Variants in AFG3L2 observed in about 807,000 individuals in gnomAD.
AFG3L2 encodes mitochondrial inner membrane m-AAA protease component AFG3L2.
In AFG3L2, 54 loss-of-function variants were observed where a neutral mutation model predicts 94.5. The observed-to-expected ratio is 0.57, with a 90% CI of 0.46 to 0.72. The LOEUF is 0.72. AFG3L2 is among the 30% of genes least tolerant of loss of function. The probability of loss-of-function intolerance (pLI) is 0.00; values close to 1 mark genes in which losing one functional copy is unlikely to be tolerated. For missense variants in AFG3L2, 754 were observed against 994.9 expected, an observed-to-expected ratio of 0.76 and a Z score of 3.26; for synonymous variants, 377 against 365.5, an observed-to-expected ratio of 1.03 and a Z score of -0.36.
chr18:12,358,439 C>T (rs1003675427), intron 8 of AFG3L2, among the ~76,000 whole-genome samples: 2 of 152,190 alleles, frequency 1.3e-5, no homozygotes, highest in Non-Finnish European at 2.9e-5. Context: ...TCAAGAAAAT[C>T]TTCCAAGAGG....
intron 13 of AFG3L2, among the ~76,000 whole-genome samples, chr18:12,344,704 A>T (rs1051215128): frequency 7.9e-5 from 12 of 151,922 alleles, no homozygotes; most frequent in Admixed American, 7.2e-4. Flanking sequence ...TAAGTTAAAA[A>T]TTTTTTTAAA....
intron 14 of AFG3L2, 64 bp from the exon 15 acceptor site, chr18:12,340,465 G>A: frequency 8.0e-7 from 1 of 1,251,416 alleles, no homozygotes; most frequent in South Asian, 1.2e-5. Context: ...AAACATCTGT[G>A]TATAAACAGA....
intron 1 of AFG3L2, among the ~76,000 whole-genome samples, chr18:12,373,464 A>G (rs1194399577): frequency 4.6e-5 from 7 of 152,202 alleles, no homozygotes; most frequent in Admixed American, 4.6e-4. Flanking sequence ...ACTATGGCAT[A>G]ACAATGTAAC....
intron 12 of AFG3L2, among the ~76,000 whole-genome samples, chr18:12,349,666 T>C (rs1215140887): frequency 6.7e-6 from 1 of 148,194 alleles, no homozygotes. Flanking sequence ...CATGTTTTTA[T>C]TTTTATTTTT....
rs1419934629 is a variant in AFG3L2, at chr18:12,348,365, A to C, written c.1571T>G (p.Val524Gly). The C allele has an allele frequency of 2.5e-6, 4 of 1,614,054 alleles. No homozygotes were observed. Among genetic ancestry groups the C allele is most frequent in the Non-Finnish European group, 3.4e-6 (4 of 1,180,004 alleles). The change falls in exon 13 of 17, where the codon GTC (valine) becomes GGC (glycine). Residue 524 changes from valine to glycine, a missense_variant. By Grantham distance (109) the Val-to-Gly change is moderately radical. Around this residue, in one of 4 missense-constraint regions of AFG3L2, gnomAD observed 279 missense variants for 378.6 expected, o/e 0.74. Transcript: ENST00000269143. ...AGCAATCAACGCAGCTTCATTACAG[A>C]CATTAGCAACATCAGCACCTAAAAA... ...PGFSGADVANVCNEAALIAAR... is the reference protein window; with the variant it reads ...PGFSGADVANGCNEAALIAAR...
intron 16 of AFG3L2, among the ~76,000 whole-genome samples, chr18:12,334,485 C>T (rs1762423634): frequency 6.6e-6 from 1 of 152,134 alleles, no homozygotes. Flanking sequence ...GCAGCCCTGA[C>T]CTCTGTTCAT....
Position 12,328,972 on chromosome 18 carries a change from TTTA to T in AFG3L2, c.*590_*592del, listed in dbSNP as rs2143070705. The T allele has an allele frequency of 1.7e-6, 1 of 573,064 alleles. No individual in the cohort carries two copies. The highest frequency in any genetic ancestry group is 2.8e-5 in the East Asian group (1 of 35,828). The allele number at this position is 573,064 out of a possible 1,614,324, so 35.5% of individuals were successfully genotyped here. On this transcript the variant is annotated 3_prime_UTR_variant, in exon 17 of 17. Coordinates refer to ENST00000269143, the MANE Select transcript of AFG3L2 (RefSeq NM_006796.3). Reference sequence around the variant, plus strand: ...GTTCAGAAAAGTACAGTGTTGACATTTTATTTTTTATGTAAAGAAGCCATATTT... The same window carrying T: ...GTTCAGAAAAGTACAGTGTTGACATTTTTTTTATGTAAAGAAGCCATATTT...
rs886044707 is a variant in AFG3L2 at position 12,353,137 on chromosome 18, C to T, written c.1186G>A (p.Ala396Thr). 1 of 1,613,966 alleles carries T rather than the reference C, an allele frequency of 6.2e-7. No homozygotes were observed. Among genetic ancestry groups the T allele is most frequent in the African/African-American group, 1.3e-5 (1 of 74,906 alleles). Reference protein sequence around the residue: ...PARVRDLFALARKNAPCILFI... With the variant: ...PARVRDLFALTRKNAPCILFI... ...AGGATGCAAGGGGCATTCTTCCGAG[C>T]AAGGGCAAATAAGTCTCGGACCTTG... The change falls in exon 10 of 17, where the codon GCT becomes ACT. Residue 396 changes from alanine (A) to threonine (T), a missense_variant. Physicochemically the swap from Ala to Thr is moderately conservative, Grantham distance 58. Transcript: ENST00000269143.
chr18:12,336,543 T>C (rs886778516), intron 16 of AFG3L2, among the ~76,000 whole-genome samples: 7 of 152,108 alleles, frequency 4.6e-5, no homozygotes, highest in Non-Finnish European at 1.0e-4. Flanking sequence ...ATAATAAAAC[T>C]CCAGGCTGCC....
In AFG3L2 at chr18:12,329,432, T is replaced by TC. The variant is rs1306810635; in HGVS notation, c.*132dup. 4.1e-6 allele frequency: 4 copies of TC among 973,990 alleles called. No individual in the cohort carries two copies. Among genetic ancestry groups the TC allele is most frequent in the Middle Eastern group, 3.1e-4 (1 of 3,240 alleles). 60.3% of individuals were successfully genotyped at this position (973,990 alleles called of 1,614,324 possible). On this transcript the variant is annotated 3_prime_UTR_variant, in exon 17 of 17. Transcript: ENST00000269143. ...AGGCTGAAAGGACTAAGGACTCCTT[T>TC]CCCCATCATTTCAGCTGGGCCAGTG...
At chr18:12,330,641 A>G (rs1288684532) in intron 16 of AFG3L2, among the ~76,000 whole-genome samples, 3 of 151,244 alleles carry the variant, frequency 2.0e-5, no homozygotes, top group African/African-American at 7.3e-5. Flanking sequence ...AGCCAGGCGC[A>G]GTGGTGGGTG....
In AFG3L2 at chr18:12,358,918, T is replaced by C. The variant is rs776071698; in HGVS notation, c.778A>G (p.Thr260Ala). ...AGCAAGAAGGCGATGATGAGCACCG[T>C]AGGCAGCATGCTCAGCAGAAAAGAG... The part of the protein sequence containing the change: ...DGSFLLSMLP[T>A]VLIIAFLLYT... The change falls in exon 8 of 17, where the codon ACG becomes GCG. Residue 260 changes from threonine to alanine, a missense_variant. By Grantham distance (58) the Thr-to-Ala change is moderately conservative (BLOSUM62 0). Coordinates refer to ENST00000269143, the MANE Select transcript of AFG3L2 (RefSeq NM_006796.3). 4 of 1,613,860 alleles carry C rather than the reference T, an allele frequency of 2.5e-6. No homozygotes were observed. The highest frequency in any genetic ancestry group is 1.7e-5 in the Admixed American group (1 of 59,952).
At chr18:12,365,367 C>A (rs538981764) in intron 5 of AFG3L2, among the ~76,000 whole-genome samples, 2 of 152,322 alleles carry the variant, frequency 1.3e-5, no homozygotes, top group African/African-American at 4.8e-5. Flanking sequence ...TGCTTCTGAG[C>A]AGCTTCTGAG....
chr18:12,347,432 A>G (rs936993405), intron 13 of AFG3L2, among the ~76,000 whole-genome samples: 10 of 152,350 alleles, frequency 6.6e-5, no homozygotes, highest in African/African-American at 2.4e-4. Flanking sequence ...GCCTTTAGGG[A>G]TTAAATCAGA....
At position 12,377,027 on chromosome 18, in the gene AFG3L2, A is replaced by C; in HGVS notation, c.56T>G (p.Leu19Arg). 1 of 1,447,982 alleles carries C rather than the reference A, an allele frequency of 6.9e-7. No individual in the cohort carries two copies. The highest frequency in any genetic ancestry group is 9.1e-7 in the Non-Finnish European group (1 of 1,103,298). The allele number at this position is 1,447,982 out of a possible 1,614,324, so 89.7% of individuals were successfully genotyped here. A position where few individuals can be genotyped will look rare whatever the true frequency, so the allele number is the denominator to read the frequency against. ...WGRGGCWPRG[L>R]QQLLVPGGVG... ...GCCGCCAGGCACGAGGAGCTGCTGT[A>C]GGCCGCGGGGCCAGCAGCCGCCCCG... Residue 19 changes from leucine (L) to arginine (R), a missense_variant, in exon 1 of 17, where the codon CTA (leucine) becomes CGA (arginine). By Grantham distance (102) the Leu-to-Arg change is moderately radical (BLOSUM62 -2). Around this residue, in one of 4 missense-constraint regions of AFG3L2, gnomAD observed 236 missense variants for 214.0 expected, o/e 1.10. Transcript: ENST00000269143.
At chr18:12,339,122 C>T (rs1323245222) in intron 15 of AFG3L2, among the ~76,000 whole-genome samples, 1 of 144,006 alleles carries the variant, frequency 6.9e-6, no homozygotes, top group Non-Finnish European at 1.5e-5. Flanking sequence ...GGAGTGGTGG[C>T]GGGCACTACT....
chr18:12,361,791 A>G (rs1208038303), intron 6 of AFG3L2, among the ~76,000 whole-genome samples: 2 of 152,244 alleles, frequency 1.3e-5, no homozygotes, highest in African/African-American at 2.4e-5. Flanking sequence ...GTTTTATATT[A>G]TATAACAACA....
At position 12,377,214 on chromosome 18, in the gene AFG3L2, G is replaced by A. The variant is rs1598843400; in HGVS notation, c.-132C>T. 2 of 700,112 alleles carry A rather than the reference G, an allele frequency of 2.9e-6. No homozygotes were observed. Among genetic ancestry groups the A allele is most frequent in the Non-Finnish European group, 4.6e-6 (2 of 433,912 alleles). The allele number at this position is 700,112 out of a possible 1,614,324, so 43.4% of individuals were successfully genotyped here. A position where few individuals can be genotyped will look rare whatever the true frequency, so the allele number is the denominator to read the frequency against. ...CGAAGCGCGCCGGCGGCTCACGGAG[G>A]AGCCCAAGCTCTCAACGCGGCGTCT... On this transcript the variant is annotated 5_prime_UTR_variant, in exon 1 of 17. Transcript: ENST00000269143.
rs748974374 is a variant in AFG3L2, at chr18:12,371,634, T to C, written c.172A>G (p.Ile58Val). ...RASRNSLLTD[I>V]IAAYQRFCSR... ...CAGAATCTTTGATAAGCAGCAATTATATCTGTCAAAAGAGAATTTCTGCTG... is the reference window on the plus strand; with the variant it reads ...CAGAATCTTTGATAAGCAGCAATTACATCTGTCAAAAGAGAATTTCTGCTG... The change falls in exon 2 of 17, where the codon ATA becomes GTA. Residue 58 changes from isoleucine (I) to valine (V), a missense_variant. Physicochemically the swap from Ile to Val is conservative, Grantham distance 29. Transcript: ENST00000269143. The C allele has an allele frequency of 1.9e-6, 3 of 1,614,120 alleles. No homozygotes were observed. Among genetic ancestry groups the C allele is most frequent in the Non-Finnish European group, 2.5e-6 (3 of 1,180,030 alleles).
Sources: gnomAD v4.1 joint callset for allele counts (sites outside exome capture counted in the v4.1 genomes callset) on GRCh38, gnomAD v4.1.1 for gene constraint, gnomAD v4.1.1 regional missense constraint, MANE v1.5 for transcripts, NCBI Gene and HGNC (gene_info 2026-07-23, HGNC 2026-07-21) for gene names.